Variants in RNF17 observed in about 807,000 individuals in gnomAD.
The protein encoded by RNF17 is ring finger protein 17.
In RNF17, 31 loss-of-function variants were observed where a neutral mutation model predicts 200.5. The observed-to-expected ratio is 0.15, with a 90% CI of 0.12 to 0.21. RNF17 has a LOEUF of 0.21. Ranked by LOEUF, RNF17 falls within the 10% of genes least tolerant of loss-of-function variation. The pLI, the probability that RNF17 is intolerant of heterozygous loss-of-function variation, is 1.00. For missense variants in RNF17, 1,628 were observed against 1,905.1 expected, an observed-to-expected ratio of 0.85 and a Z score of 2.71; for synonymous variants, 606 against 637.8, an observed-to-expected ratio of 0.95 and a Z score of 0.75.
chr13:24,859,051 C>T lies in RNF17; in HGVS notation c.3661C>T (p.Leu1221Phe), dbSNP rs1489194376. Residue 1221 changes from leucine (L) to phenylalanine (F), a missense_variant, in exon 26 of 36, where the codon CTT (leucine) becomes TTT (phenylalanine). By Grantham distance (22) the Leu-to-Phe change is conservative (BLOSUM62 0). Around this residue, in one of 5 missense-constraint regions of RNF17, gnomAD observed 609 missense variants for 681.9 expected, o/e 0.89. Coordinates refer to ENST00000255324, the MANE Select transcript of RNF17 (RefSeq NM_031277.3). ...TNEIQSNLKC[L>F]GLLEPYFWKK... is the part of the protein sequence containing the mutation. Reference sequence around the variant, plus strand: ...TGAAATTCAAAGTAATTTAAAATGCCTTGGTCTTTTGGAGCCTTATTTCTG... The same window carrying T: ...TGAAATTCAAAGTAATTTAAAATGCTTTGGTCTTTTGGAGCCTTATTTCTG... 6.2e-7 allele frequency: 1 copy of T among 1,603,952 alleles called. No homozygotes were observed. The highest frequency in any genetic ancestry group is 8.5e-7 in the Non-Finnish European group (1 of 1,171,910).
At chr13:24,822,232 C>T (rs765165687) in intron 15 of RNF17, among the ~76,000 whole-genome samples, 2 of 151,992 alleles carry the variant, frequency 1.3e-5, no homozygotes, top group Non-Finnish European at 2.9e-5. Context: ...GCTGGCAAGG[C>T]GAGAAGGGAG....
chr13:24,759,897 T>G (rs1414193603), upstream of RNF17, among the ~76,000 whole-genome samples: 6 of 152,120 alleles, frequency 3.9e-5, no homozygotes, highest in African/African-American at 1.2e-4. Flanking sequence ...TCCCAGCACT[T>G]TGGGAGGATG....
the RNF17 span, among the ~76,000 whole-genome samples, chr13:24,887,282 T>C: frequency 6.6e-6 from 1 of 152,224 alleles, no homozygotes; most frequent in Non-Finnish European, 1.5e-5. Context: ...ATACCACTTA[T>C]ACCAGGGGGC....
At chr13:24,749,733 GCT>G in the RNF17 span, among the ~76,000 whole-genome samples, 1 of 151,900 alleles carries the variant, frequency 6.6e-6, no homozygotes, top group African/African-American at 2.4e-5. Flanking sequence ...GTTATTAATT[GCT>G]CTTTTTTGTT....
At chr13:24,877,648 G>A (rs1894998551) in intron 34 of RNF17, among the ~76,000 whole-genome samples, 1 of 152,136 alleles carries the variant, frequency 6.6e-6, no homozygotes, top group African/African-American at 2.4e-5. Context: ...GTATTTAATT[G>A]AATAAGTAAA....
chr13:24,884,733 A>T (rs79546739), downstream of RNF17, among the ~76,000 whole-genome samples: 1,726 of 152,278 alleles, frequency 0.011, 33 homozygotes, highest in African/African-American at 0.04. Flanking sequence ...GGAAAGTCTA[A>T]CTACTGCTTT....
chr13:24,791,170 G>T (rs774663743), intron 9 of RNF17, among the ~76,000 whole-genome samples: 3 of 152,096 alleles, frequency 2.0e-5, no homozygotes, highest in African/African-American at 7.2e-5. Flanking sequence ...ATTATTTGGC[G>T]TAAGAGGATG....
In RNF17 at chr13:24,782,963, A is replaced by G. The variant is rs191033642; in HGVS notation, c.611+1019A>G. Among the ~76,000 whole-genome samples the G allele has an allele frequency of 2.5e-3, 378 of 152,260 alleles. 1 individual carries two copies. Among genetic ancestry groups the G allele is most frequent in the African/African-American group, 8.6e-3 (358 of 41,538 alleles). Reference sequence around the variant, plus strand: ...TTGTGCTTTTGGTGTCATATTCAAGATATCACTGCCAAATCTAACATCATG... The same window carrying G: ...TTGTGCTTTTGGTGTCATATTCAAGGTATCACTGCCAAATCTAACATCATG... On this transcript the variant is annotated intron_variant, in intron 6 of 35. Coordinates refer to ENST00000255324, the MANE Select transcript of RNF17 (RefSeq NM_031277.3).
chr13:24,830,480 C>T lies in RNF17; in HGVS notation c.2246-4C>T. 1 of 1,543,616 alleles carries T rather than the reference C, an allele frequency of 6.5e-7. No individual in the cohort carries two copies. The highest frequency in any genetic ancestry group is 1.2e-5 in the South Asian group (1 of 84,538). ...TGTAATTTCTAATTTCATAATTTTT[C>T]AAGGATTGCCTGGACATCAGGAAGT... On this transcript the variant is annotated splice_region_variant and splice_polypyrimidine_tract_variant and intron_variant, in intron 16 of 35. Coordinates refer to ENST00000255324, the MANE Select transcript of RNF17 (RefSeq NM_031277.3).
At chr13:24,780,579 A>T (rs1882212119) in intron 5 of RNF17, among the ~76,000 whole-genome samples, 1 of 152,162 alleles carries the variant, frequency 6.6e-6, no homozygotes, top group Non-Finnish European at 1.5e-5. Context: ...ATCAATTGTA[A>T]ATATAAAAAT....
intron 18 of RNF17, among the ~76,000 whole-genome samples, chr13:24,839,060 A>G (rs958238225): frequency 6.6e-6 from 1 of 152,064 alleles, no homozygotes; most frequent in African/African-American, 2.4e-5. Flanking sequence ...CAAGAACTCA[A>G]CCCCTTTTAC....
chr13:24,853,401 C>T (rs1275106988), intron 24 of RNF17, among the ~76,000 whole-genome samples: 1 of 151,918 alleles, frequency 6.6e-6, no homozygotes, highest in African/African-American at 2.4e-5. Context: ...CATATTACCA[C>T]TTAGGTAATA....
In RNF17 at chr13:24,799,336, C is replaced by G. The variant is rs1884974182; in HGVS notation, c.1400-59C>G. The G allele has an allele frequency of 2.2e-6, 3 of 1,337,704 alleles. No homozygotes were observed. In the African/African-American group the frequency reaches 4.4e-5, roughly 20 times the overall value. The allele number at this position is 1,337,704 out of a possible 1,614,324, so 82.9% of individuals were successfully genotyped here. On this transcript the variant is annotated intron_variant, in intron 11 of 35. Coordinates refer to ENST00000255324, the MANE Select transcript of RNF17 (RefSeq NM_031277.3). ...GTGGTAGAACTAACGTGTCTGTAAACTTATGAAGTGGCTTTTATTGATAAA... is the reference window on the plus strand; with the variant it reads ...GTGGTAGAACTAACGTGTCTGTAAAGTTATGAAGTGGCTTTTATTGATAAA...
intron 18 of RNF17, among the ~76,000 whole-genome samples, chr13:24,832,918 A>T (rs1889573501): frequency 6.6e-6 from 1 of 151,782 alleles, no homozygotes; most frequent in African/African-American, 2.4e-5. Context: ...TAATTTTTAA[A>T]TTTTTTTTGT....
intron 12 of RNF17, 65 bp downstream of exon 12, chr13:24,799,649 A>G: frequency 1.0e-6 from 1 of 991,000 alleles, no homozygotes; most frequent in Non-Finnish European, 1.5e-6. Context: ...GGTGGAGTTA[A>G]AGAATAAAGG....
chr13:24,763,987 C>T (rs1236302794), upstream of RNF17, among the ~76,000 whole-genome samples: 3 of 152,172 alleles, frequency 2.0e-5, no homozygotes, highest in Non-Finnish European at 4.4e-5. Flanking sequence ...TAAAAACGAA[C>T]GGTCCTCAAC....
intron 18 of RNF17, among the ~76,000 whole-genome samples, chr13:24,836,607 T>C (rs1013843027): frequency 1.3e-5 from 2 of 152,118 alleles, no homozygotes; most frequent in Admixed American, 6.5e-5. Context: ...CCAGTGAAAC[T>C]AAGCATCATA....
intron 15 of RNF17, among the ~76,000 whole-genome samples, chr13:24,805,998 A>G (rs1381843198): frequency 1.3e-5 from 2 of 151,928 alleles, no homozygotes; most frequent in Non-Finnish European, 2.9e-5. Flanking sequence ...CATCCCCATC[A>G]TCTACATTAG....
At position 24,858,266 on chromosome 13, in the gene RNF17, G is replaced by A. The variant is rs1892734877; in HGVS notation, c.3611-735G>A. Among the ~76,000 whole-genome samples, 3 of 152,160 alleles carry A rather than the reference G, an allele frequency of 2.0e-5. No individual in the cohort carries two copies. The South Asian group carries it at 6.2e-4, about 32-fold the overall frequency. On this transcript the variant is annotated intron_variant, in intron 25 of 35. Coordinates refer to ENST00000255324, the MANE Select transcript of RNF17 (RefSeq NM_031277.3). ...CTAGAAAAAATAACGTTTGAGACCTGTAGTAATAATACTTAACCCAGAAAC... is the reference window on the plus strand; with the variant it reads ...CTAGAAAAAATAACGTTTGAGACCTATAGTAATAATACTTAACCCAGAAAC...
Sources: allele counts gnomAD v4.1 joint callset (sites outside exome capture counted in the v4.1 genomes callset), GRCh38; gene constraint gnomAD v4.1.1; regional missense constraint gnomAD v4.1.1; transcripts MANE v1.5; gene names NCBI Gene and HGNC (gene_info 2026-07-23, HGNC 2026-07-21).